Variants in SDC3 observed in about 807,000 individuals in gnomAD.
SDC3 encodes the protein syndecan-3.
Under a neutral mutation model 24.4 loss-of-function variants are expected in SDC3, and 13 were observed. That is an observed-to-expected ratio of 0.53 (90% CI 0.35 to 0.85). The LOEUF (loss-of-function observed/expected upper bound fraction) is 0.85, where lower values mean the gene tolerates loss of function less well. Ranked by LOEUF, SDC3 falls within the 40% of genes least tolerant of loss-of-function variation. The probability of loss-of-function intolerance (pLI) is 0.01; values close to 1 mark genes in which losing one functional copy is unlikely to be tolerated. For synonymous variants in SDC3, 295 were observed against 260.9 expected (o/e 1.13, Z -1.26); for missense variants, 571 against 584.5 (o/e 0.98, Z 0.24).
intron 1 of SDC3, among the ~76,000 whole-genome samples, chr1:30,883,960 C>T (rs1437265169): frequency 6.6e-6 from 1 of 152,178 alleles, no homozygotes; most frequent in East Asian, 1.9e-4. Flanking sequence ...TCACGCTCAC[C>T]AGATCCACCC....
Position 30,892,929 on chromosome 1 carries a change from G to T in SDC3, c.139-14189C>A, listed in dbSNP as rs567661372. ...TTCATCCTCCCCTGAGCCTCCCCCG[G>T]CAGGATCAGAGGCCAGCTGCTGCCA... On this transcript the variant is annotated intron_variant, in intron 1 of 4. Coordinates refer to ENST00000339394, the MANE Select transcript of SDC3 (RefSeq NM_014654.4). Among the ~76,000 whole-genome samples, 450 of 152,208 alleles carry T rather than the reference G, an allele frequency of 3.0e-3. 2 individuals are homozygous for T. The highest frequency in any genetic ancestry group is 0.01 in the African/African-American group (428 of 41,532).
chr1:30,887,128 A>C (rs1159038115), intron 1 of SDC3, among the ~76,000 whole-genome samples: 1 of 152,084 alleles, frequency 6.6e-6, no homozygotes, highest in Non-Finnish European at 1.5e-5. Context: ...AGTGAGTAGA[A>C]ATGGAGGACA....
At chr1:30,885,976 C>T (rs1461874193) in intron 1 of SDC3, among the ~76,000 whole-genome samples, 2 of 152,158 alleles carry the variant, frequency 1.3e-5, no homozygotes, top group African/African-American at 2.4e-5. Flanking sequence ...AGCCACCTGC[C>T]CTCTCACGTC....
chr1:30,883,801 A>G (rs1039754585), intron 1 of SDC3, among the ~76,000 whole-genome samples: 3 of 152,110 alleles, frequency 2.0e-5, no homozygotes, highest in Non-Finnish European at 4.4e-5. Flanking sequence ...CGAAGCATTC[A>G]GAGAGGTAAA....
chr1:30,896,970 A>C (rs1276491184), intron 1 of SDC3, among the ~76,000 whole-genome samples: 1 of 152,150 alleles, frequency 6.6e-6, no homozygotes, highest in Non-Finnish European at 1.5e-5. Flanking sequence ...GCCAAAAACA[A>C]AAAAACAGGA....
intron 1 of SDC3, among the ~76,000 whole-genome samples, chr1:30,899,839 C>A (rs7529390): frequency 0.11 from 16,698 of 152,160 alleles, 973 homozygotes; most frequent in South Asian, 0.15. Flanking sequence ...AGACATAGGA[C>A]ACACACGACA....
intron 1 of SDC3, among the ~76,000 whole-genome samples, chr1:30,882,460 C>T (rs34692820): frequency 0.073 from 11,145 of 152,196 alleles, 415 homozygotes; most frequent in Middle Eastern, 0.099. Context: ...CCACTCCCAC[C>T]GATCCTCTCC....
chr1:30,878,937 C>T, intron 1 of SDC3, 197 bp from the exon 2 acceptor site: 1 of 555,540 alleles, frequency 1.8e-6, no homozygotes, highest in Non-Finnish European at 3.2e-6. Flanking sequence ...ACCTGGGGTC[C>T]CATCCCAGAA....
chr1:30,908,620 G>A lies in SDC3; in HGVS notation c.-34C>T. On this transcript the variant is annotated 5_prime_UTR_variant, in exon 1 of 5. Coordinates refer to ENST00000339394, the MANE Select transcript of SDC3 (RefSeq NM_014654.4). ...CGCGGGCGCGGGCGGCGGGCGGCGG[G>A]CGGGCGCCTTTGTTCCCGAGGCGCG... The A allele has an allele frequency of 5.5e-6, 5 of 902,294 alleles. No individual in the cohort carries two copies. Among genetic ancestry groups the A allele is most frequent in the Non-Finnish European group, 6.6e-6 (5 of 757,936 alleles). 55.9% of individuals were successfully genotyped at this position (902,294 alleles called of 1,614,324 possible).
chr1:30,884,277 C>T (rs1639794315), intron 1 of SDC3, among the ~76,000 whole-genome samples: 1 of 138,018 alleles, frequency 7.2e-6, no homozygotes, highest in African/African-American at 3.5e-5. Context: ...CACCACAGAC[C>T]CCCCCCAAGA....
Position 30,870,030 on chromosome 1 carries a change from C to A in SDC3, c.*3181G>T, listed in dbSNP as rs867138422. ...CGGGCTTCTATTTACAGGCAAGAGGCCTGGGGAGGCAAGTCCAGGGTTGTA... is the reference window on the plus strand; with the variant it reads ...CGGGCTTCTATTTACAGGCAAGAGGACTGGGGAGGCAAGTCCAGGGTTGTA... On this transcript the variant is annotated 3_prime_UTR_variant, in exon 5 of 5. Transcript: ENST00000339394. The A allele has an allele frequency of 2.5e-6, 1 of 397,588 alleles. No homozygotes were observed. Among genetic ancestry groups the A allele is most frequent in the African/African-American group, 2.1e-5 (1 of 48,612 alleles). 24.6% of individuals were successfully genotyped at this position (397,588 alleles called of 1,614,324 possible). A position where few individuals can be genotyped will look rare whatever the true frequency, so the allele number is the denominator to read the frequency against.
chr1:30,892,927 C>T (rs968971477), intron 1 of SDC3, among the ~76,000 whole-genome samples: 7 of 152,102 alleles, frequency 4.6e-5, no homozygotes, highest in East Asian at 1.9e-4. Flanking sequence ...GAGCCTCCCC[C>T]GGCAGGATCA....
intron 4 of SDC3, 69 bp from the exon 5 acceptor site, chr1:30,873,446 G>A: frequency 8.3e-7 from 1 of 1,203,460 alleles, no homozygotes; most frequent in Admixed American, 1.8e-5. Context: ...GTCCTCAGGG[G>A]TGGGGGCCAG....
chr1:30,891,482 G>A (rs1463964847), intron 1 of SDC3, among the ~76,000 whole-genome samples: 3 of 152,182 alleles, frequency 2.0e-5, no homozygotes, highest in East Asian at 1.9e-4. Context: ...CGTCTCTCCT[G>A]CCTGGCTGAA....
chr1:30,881,076 A>T (rs114090055), intron 1 of SDC3, among the ~76,000 whole-genome samples: 5,609 of 149,726 alleles, frequency 0.037, 349 homozygotes, highest in African/African-American at 0.13. Flanking sequence ...ATCCTCATGC[A>T]TATATATTCT....
intron 1 of SDC3, among the ~76,000 whole-genome samples, chr1:30,902,227 A>G (rs1460701977): frequency 6.6e-6 from 1 of 152,218 alleles, no homozygotes; most frequent in Non-Finnish European, 1.5e-5. Flanking sequence ...AGGTAAAAAA[A>G]GGGCCAGATC....
chr1:30,873,077 C>T lies in SDC3; in HGVS notation c.*134G>A, dbSNP rs1420238653. On this transcript the variant is annotated 3_prime_UTR_variant, in exon 5 of 5. Coordinates refer to ENST00000339394, the MANE Select transcript of SDC3 (RefSeq NM_014654.4). ...ATCTGTGTGAGGCTGGCAGCCTGGG[C>T]AGACCTTGGGAGAGAGGGCAGAGAA... 3 of 706,812 alleles carry T rather than the reference C, an allele frequency of 4.2e-6. No homozygotes were observed. The highest frequency in any genetic ancestry group is 2.3e-5 in the Admixed American group (1 of 43,666). The allele number at this position is 706,812 out of a possible 1,614,324, so 43.8% of individuals were successfully genotyped here.
Position 30,869,557 on chromosome 1 carries a change from A to ACT in SDC3, c.*3653_*3654insAG, listed in dbSNP as rs1639495944. 2.7e-6 allele frequency: 1 copy of ACT among 376,390 alleles called. No individual in the cohort carries two copies. Among genetic ancestry groups the ACT allele is most frequent in the African/African-American group, 2.6e-5 (1 of 39,186 alleles). The allele number at this position is 376,390 out of a possible 1,614,324, so 23.3% of individuals were successfully genotyped here. On this transcript the variant is annotated 3_prime_UTR_variant, in exon 5 of 5. Coordinates refer to ENST00000339394, the MANE Select transcript of SDC3 (RefSeq NM_014654.4). Reference sequence around the variant, plus strand: ...CAAACAAAAAAAAAAAAAAAAAAAAAAAAACAAAAACAAAACCAGTTCCTT... The same window carrying ACT: ...CAAACAAAAAAAAAAAAAAAAAAAAACTAAAACAAAAACAAAACCAGTTCCTT...
At chr1:30,892,788 C>T (rs760685795) in intron 1 of SDC3, among the ~76,000 whole-genome samples, 3 of 152,204 alleles carry the variant, frequency 2.0e-5, no homozygotes, top group Admixed American at 6.5e-5. Flanking sequence ...CCTCCAGCTT[C>T]ATAGAGGACA....
Sources: allele counts gnomAD v4.1 joint callset (sites outside exome capture counted in the v4.1 genomes callset), GRCh38; gene constraint gnomAD v4.1.1; transcripts MANE v1.5; gene names NCBI Gene and HGNC (gene_info 2026-07-23, HGNC 2026-07-21).